CACNB2: variants seen among roughly 807,000 people sequenced by gnomAD.
The protein encoded by CACNB2 is voltage-dependent L-type calcium channel subunit beta-2.
Under a neutral mutation model 73.3 loss-of-function variants are expected in CACNB2, and 42 were observed. The observed-to-expected ratio is 0.57, with a 90% CI of 0.45 to 0.74. The LOEUF (loss-of-function observed/expected upper bound fraction) is 0.74. CACNB2 is among the 30% of genes least tolerant of loss of function. The pLI is 0.00. For synonymous variants in CACNB2, 348 were observed against 310.3 expected, an observed-to-expected ratio of 1.12 and a Z score of -1.28; for missense variants, 940 against 853.0, an observed-to-expected ratio of 1.10 and a Z score of -1.27.
chr10:18,488,496 A>C (rs1016110702), intron 3 of CACNB2, among the ~76,000 whole-genome samples: 1 of 151,026 alleles, frequency 6.6e-6, no homozygotes, highest in Non-Finnish European at 1.5e-5. Context: ...AAAAAAAAAA[A>C]AAAGAAAATC....
At chr10:18,491,855 C>T (rs1444449479) in intron 3 of CACNB2, among the ~76,000 whole-genome samples, 7 of 114,258 alleles carry the variant, frequency 6.1e-5, no homozygotes, top group East Asian at 3.2e-4. Flanking sequence ...AAAGCCTGAG[C>T]GTTTGAGGAC....
chr10:18,353,764 A>G (rs2041807840), intron 2 of CACNB2, among the ~76,000 whole-genome samples: 1 of 152,212 alleles, frequency 6.6e-6, no homozygotes, highest in Admixed American at 6.5e-5. Context: ...CTTTCTTTAT[A>G]CTGCTCTATG....
chr10:18,311,797 A>T (rs1252366033), intron 2 of CACNB2, among the ~76,000 whole-genome samples: 1 of 152,172 alleles, frequency 6.6e-6, no homozygotes, highest in East Asian at 1.9e-4. Context: ...TGTGTTGTTC[A>T]AGGGTCAACG....
intron 5 of CACNB2, among the ~76,000 whole-genome samples, chr10:18,503,688 T>C (rs1182340025): frequency 6.6e-6 from 1 of 152,300 alleles, no homozygotes; most frequent in Admixed American, 6.5e-5. Flanking sequence ...TTTGTTGAGG[T>C]TTGAAGTTAT....
Position 18,542,499 on chromosome 10 carries a change from T to C in CACNB2, c.*2775T>C, listed in dbSNP as rs1053678766. On this transcript the variant is annotated 3_prime_UTR_variant, in exon 14 of 14. Transcript: ENST00000324631. Reference sequence around the variant, plus strand: ...ATTTAAATTCTTGAAACATAGCTAGTATTTATCTTACTTGCTGCTATCATT... The same window carrying C: ...ATTTAAATTCTTGAAACATAGCTAGCATTTATCTTACTTGCTGCTATCATT... The C allele has an allele frequency of 2.0e-4, 31 of 152,244 alleles. No homozygotes were observed. The highest frequency in any genetic ancestry group is 4.1e-4 in the South Asian group (2 of 4,830). The allele number at this position is 152,244 out of a possible 1,614,324, so 9.4% of individuals were successfully genotyped here. A position where few individuals can be genotyped will look rare whatever the true frequency, so the allele number is the denominator to read the frequency against.
At chr10:18,276,320 G>A (rs906858527) in intron 2 of CACNB2, among the ~76,000 whole-genome samples, 1 of 152,150 alleles carries the variant, frequency 6.6e-6, no homozygotes, top group Non-Finnish European at 1.5e-5. Context: ...ACTACATGAA[G>A]CTGCCCAACT....
rs574848372 is a variant in CACNB2 at position 18,450,524 on chromosome 10, G to T, written c.334-47831G>T. Among the ~76,000 whole-genome samples the T allele has an allele frequency of 3.9e-5, 6 of 152,192 alleles. No individual in the cohort carries two copies. The South Asian group carries it at 1.2e-3, about 32-fold the overall frequency. On this transcript the variant is annotated intron_variant, in intron 3 of 13. Coordinates refer to ENST00000324631, the MANE Select transcript of CACNB2 (RefSeq NM_201596.3). ...GCCGTAAGGAATCCCCCAGGACTGGGTGTTCCTTCTCACTGCTTCTTCAGA... is the reference window on the plus strand; with the variant it reads ...GCCGTAAGGAATCCCCCAGGACTGGTTGTTCCTTCTCACTGCTTCTTCAGA...
chr10:18,306,276 G>A (rs1468817573), intron 2 of CACNB2, among the ~76,000 whole-genome samples: 1 of 152,186 alleles, frequency 6.6e-6, no homozygotes, highest in African/African-American at 2.4e-5. Context: ...TTGAGGAGAA[G>A]TGAGTTGAGG....
intron 2 of CACNB2, among the ~76,000 whole-genome samples, chr10:18,277,819 C>T (rs2038365805): frequency 1.3e-5 from 2 of 152,162 alleles, no homozygotes; most frequent in African/African-American, 4.8e-5. Flanking sequence ...AATGAGACAT[C>T]GCTTTCATTT....
chr10:18,537,243 C>G lies in CACNB2; in HGVS notation c.1303-937C>G, dbSNP rs1316561376. Among the ~76,000 whole-genome samples, 5 of 152,222 alleles carry G rather than the reference C, an allele frequency of 3.3e-5. No homozygotes were observed. In the East Asian group the frequency reaches 9.7e-4, roughly 30 times the overall value. ...CCTCAAGTGATCCATCCACCTTGGC[C>G]TCCCAAAGTGCTGGGATTACAGGCA... On this transcript the variant is annotated intron_variant, in intron 12 of 13. Coordinates refer to ENST00000324631, the MANE Select transcript of CACNB2 (RefSeq NM_201596.3).
chr10:18,159,533 C>G (rs2032304834), intron 2 of CACNB2, among the ~76,000 whole-genome samples: 1 of 152,120 alleles, frequency 6.6e-6, no homozygotes, highest in Middle Eastern at 3.2e-3. Flanking sequence ...TGGAATGAAC[C>G]AAATATTTAA....
intron 2 of CACNB2, among the ~76,000 whole-genome samples, chr10:18,360,402 T>C (rs1319597327): frequency 6.6e-6 from 1 of 152,094 alleles, no homozygotes; most frequent in Non-Finnish European, 1.5e-5. Context: ...TAATTTTGTT[T>C]TTTGTAGGGA....
chr10:18,445,958 C>CAGG (rs925408615), intron 3 of CACNB2, among the ~76,000 whole-genome samples: 8 of 152,246 alleles, frequency 5.3e-5, no homozygotes, highest in Admixed American at 5.2e-4. Context: ...CGCTTGAACC[C>CAGG]AGGAGGAGGA....
intron 3 of CACNB2, among the ~76,000 whole-genome samples, chr10:18,462,303 G>A (rs959063592): frequency 1.1e-4 from 17 of 152,236 alleles, no homozygotes; most frequent in Admixed American, 1.1e-3. Context: ...ACCCAGGCTG[G>A]AGTGCAGTGG....
At chr10:18,141,013 C>T in intron 1 of CACNB2, 157 bp downstream of exon 1, 8 of 1,532,854 alleles carry the variant, frequency 5.2e-6, no homozygotes, top group Non-Finnish European at 7.0e-6. Context: ...CGCCGGGGAC[C>T]CTGCCCCTTT....
At chr10:18,181,526 G>A (rs2033879255) in intron 2 of CACNB2, among the ~76,000 whole-genome samples, 1 of 149,906 alleles carries the variant, frequency 6.7e-6, no homozygotes, top group Non-Finnish European at 1.5e-5. Context: ...TTGAAAAAAT[G>A]GCCGGTAGTC....
chr10:18,470,465 T>C (rs992012164), intron 3 of CACNB2, among the ~76,000 whole-genome samples: 3 of 150,632 alleles, frequency 2.0e-5, no homozygotes, highest in Non-Finnish European at 4.4e-5. Context: ...GAGACTGATA[T>C]ACTGTATTGT....
chr10:18,386,248 G>A (rs1189302561), intron 2 of CACNB2, among the ~76,000 whole-genome samples: 2 of 151,708 alleles, frequency 1.3e-5, no homozygotes, highest in Admixed American at 1.3e-4. Context: ...TGCTTTTTTG[G>A]CCTATTTTTC....
At chr10:18,252,177 C>T (rs1403276462) in intron 2 of CACNB2, among the ~76,000 whole-genome samples, 1 of 152,138 alleles carries the variant, frequency 6.6e-6, no homozygotes, top group African/African-American at 2.4e-5. Flanking sequence ...CTGAATGTTG[C>T]TATGGTGGGA....
Sources: gnomAD v4.1 joint callset for allele counts (sites outside exome capture counted in the v4.1 genomes callset) on GRCh38, gnomAD v4.1.1 for gene constraint, MANE v1.5 for transcripts, NCBI Gene and HGNC (gene_info 2026-07-23, HGNC 2026-07-21) for gene names.